ABCC12: variants seen among roughly 807,000 people sequenced by gnomAD.
The protein encoded by ABCC12 is ATP binding cassette subfamily C member 12.
Under a neutral mutation model 151.1 loss-of-function variants are expected in ABCC12, and 142 were observed. The observed-to-expected ratio is 0.94, with a 90% CI of 0.82 to 1.08. The LOEUF is 1.08. ABCC12 is among the 50% of genes least tolerant of loss of function. The pLI is 0.00. For missense variants in ABCC12, 1,638 were observed against 1,691.1 expected, an observed-to-expected ratio of 0.97 and a Z score of 0.55; for synonymous variants, 645 against 646.4, an observed-to-expected ratio of 1.00 and a Z score of 0.03.
chr16:48,131,238 C>T (rs1442619973), intron 9 of ABCC12, among the ~76,000 whole-genome samples: 1 of 152,226 alleles, frequency 6.6e-6, no homozygotes, highest in Non-Finnish European at 1.5e-5. Flanking sequence ...CTAGACTATT[C>T]ACTCGAAGCC....
chr16:48,107,384 T>C lies in ABCC12; in HGVS notation c.2413A>G (p.Met805Val). The part of the protein sequence containing the change: ...SLFTVFLFLL[M>V]IGSAAFSNWW... Reference sequence around the variant, plus strand: ...TTGCTGAAGGCAGCGCTGCCAATCATCAGGAGGAAGAGGAACACAGTGAAG... The same window carrying C: ...TTGCTGAAGGCAGCGCTGCCAATCACCAGGAGGAAGAGGAACACAGTGAAG... Residue 805 changes from methionine (M) to valine (V), a missense_variant, in exon 20 of 31, where the codon ATG becomes GTG. Transcript: ENST00000311303. 6.2e-7 allele frequency: 1 copy of C among 1,614,002 alleles called. No homozygotes were observed. The highest frequency in any genetic ancestry group is 8.5e-7 in the Non-Finnish European group (1 of 1,180,000).
In ABCC12 at chr16:48,091,105, G is replaced by A. The variant is rs1962866854; in HGVS notation, c.3285+15C>T. 1 of 1,612,604 alleles carries A rather than the reference G, an allele frequency of 6.2e-7. No homozygotes were observed. The highest frequency in any genetic ancestry group is 8.5e-7 in the Non-Finnish European group (1 of 1,178,716). The stretch of plus-strand genomic sequence containing the variant: ...AATTAACTTGTCCCTCCTCTCTGAT[G>A]CACTAATTTCTTACCGAAATGTATT... On this transcript the variant is annotated intron_variant, in intron 25 of 30. Coordinates refer to ENST00000311303, the MANE Select transcript of ABCC12 (RefSeq NM_001393797.1).
At chr16:48,140,028 CT>C (rs1046319456) in intron 6 of ABCC12, among the ~76,000 whole-genome samples, 4 of 152,082 alleles carry the variant, frequency 2.6e-5, no homozygotes, top group Non-Finnish European at 4.4e-5. Context: ...AAATTAATTA[CT>C]TTTTTTTAAT....
chr16:48,090,728 T>C (rs1307350485), intron 25 of ABCC12, among the ~76,000 whole-genome samples: 2 of 152,156 alleles, frequency 1.3e-5, no homozygotes, highest in Admixed American at 1.3e-4. Context: ...TTGTCGTTGC[T>C]ATTGTTTTTG....
rs1301697896 is a variant in ABCC12 at position 48,103,248 on chromosome 16, G to A, written c.2900+894C>T. Reference sequence around the variant, plus strand: ...TAGGAGCATAATCCTGTGCACAGGTGAAAGCAAGTTCAGGGTTTGTGGGCT... The same window carrying A: ...TAGGAGCATAATCCTGTGCACAGGTAAAAGCAAGTTCAGGGTTTGTGGGCT... On this transcript the variant is annotated intron_variant, in intron 22 of 30. Coordinates refer to ENST00000311303, the MANE Select transcript of ABCC12 (RefSeq NM_001393797.1). 3.9e-5 allele frequency among the ~76,000 whole-genome samples: 6 copies of A among 152,108 alleles called. 1 individual carries two copies. The highest frequency in any genetic ancestry group is 3.9e-4 in the Admixed American group (6 of 15,296).
rs1399447036 is a variant in ABCC12 at position 48,133,788 on chromosome 16, G to A, written c.1027C>T (p.Gln343Ter). 5 of 1,613,948 alleles carry A rather than the reference G, an allele frequency of 3.1e-6. No individual in the cohort carries two copies. The highest frequency in any genetic ancestry group is 1.3e-5 in the African/African-American group (1 of 74,884). Reference protein sequence around the residue: ...RKLLEKAGFVQSGNSALAPIV... With the variant: ...RKLLEKAGFV ...GGGGCCAGGGCAGAGTTTCCACTTT[G>A]GACAAATCCAGCTTTTTCCAGTAAT... is the stretch of plus-strand genomic sequence containing the variant. The change falls in exon 9 of 31, where the codon CAA (glutamine) becomes TAA (stop). Residue 343 changes from glutamine to a stop codon, truncating the protein, a stop_gained. Transcript: ENST00000311303. LOFTEE classifies it high-confidence loss of function.
intron 6 of ABCC12, 80 bp from the exon 7 acceptor site, chr16:48,139,416 G>A: frequency 2.1e-6 from 3 of 1,458,210 alleles, no homozygotes; most frequent in South Asian, 1.4e-5. Context: ...CAGATTGGCC[G>A]AGGGGATCTA....
intron 11 of ABCC12, among the ~76,000 whole-genome samples, chr16:48,124,664 A>G (rs1435218921): frequency 6.6e-6 from 1 of 152,210 alleles, no homozygotes; most frequent in African/African-American, 2.4e-5. Context: ...AGGCTGTACA[A>G]CCCAGGGGGA....
chr16:48,112,427 C>T (rs1433693401), intron 15 of ABCC12, among the ~76,000 whole-genome samples: 1 of 152,102 alleles, frequency 6.6e-6, no homozygotes, highest in Admixed American at 6.6e-5. Flanking sequence ...GAAACCCCAT[C>T]TCTACTAAAA....
At chr16:48,151,628 A>AT (rs761080867) in intron 2 of ABCC12, among the ~76,000 whole-genome samples, 8 of 152,046 alleles carry the variant, frequency 5.3e-5, no homozygotes, top group Admixed American at 1.3e-4. Flanking sequence ...TATCTTTGCA[A>AT]TTTTTTTTGT....
intron 9 of ABCC12, among the ~76,000 whole-genome samples, chr16:48,131,608 C>A (rs367828457): frequency 2.6e-5 from 4 of 152,196 alleles, no homozygotes; most frequent in African/African-American, 9.6e-5. Flanking sequence ...CTTCTCCCTT[C>A]GGTTGGTGCC....
At chr16:48,099,482 C>T (rs1005731550) in intron 23 of ABCC12, among the ~76,000 whole-genome samples, 13 of 152,188 alleles carry the variant, frequency 8.5e-5, no homozygotes, top group African/African-American at 3.1e-4. Context: ...GCATCTAATT[C>T]TTTCTCTCTG....
chr16:48,104,813 C>T (rs1319860571), intron 21 of ABCC12, among the ~76,000 whole-genome samples: 1 of 152,218 alleles, frequency 6.6e-6, no homozygotes, highest in East Asian at 1.9e-4. Flanking sequence ...GCAGAGGGGG[C>T]TGGAAGGATC....
intron 12 of ABCC12, among the ~76,000 whole-genome samples, chr16:48,123,770 G>T (rs1964148547): frequency 1.3e-5 from 2 of 152,242 alleles, no homozygotes; most frequent in Admixed American, 6.5e-5. Context: ...CTACCCCAAG[G>T]TTTGCAGAGA....
chr16:48,093,272 A>G (rs1195684037), intron 24 of ABCC12, among the ~76,000 whole-genome samples: 1 of 152,158 alleles, frequency 6.6e-6, no homozygotes, highest in Non-Finnish European at 1.5e-5. Flanking sequence ...ACAAAGCTCT[A>G]TGTATTCTAC....
At chr16:48,099,440 C>T (rs1963226333) in intron 23 of ABCC12, among the ~76,000 whole-genome samples, 1 of 152,152 alleles carries the variant, frequency 6.6e-6, no homozygotes, top group Admixed American at 6.6e-5. Flanking sequence ...CAATTCCAAA[C>T]TTAGAATGCA....
In ABCC12 at chr16:48,083,667, T is replaced by C. The variant is rs1962446483; in HGVS notation, c.*48A>G. Reference sequence around the variant, plus strand: ...CCCCTCCTCCTGAAGACTCCTCCTATTCATCTCACAGAGCCTCTTCCTCCT... The same window carrying C: ...CCCCTCCTCCTGAAGACTCCTCCTACTCATCTCACAGAGCCTCTTCCTCCT... On this transcript the variant is annotated 3_prime_UTR_variant, in exon 31 of 31. Coordinates refer to ENST00000311303, the MANE Select transcript of ABCC12 (RefSeq NM_001393797.1). 3.8e-6 allele frequency: 6 copies of C among 1,589,668 alleles called. No individual in the cohort carries two copies. Among genetic ancestry groups the C allele is most frequent in the South Asian group, 1.1e-5 (1 of 90,348 alleles).
intron 27 of ABCC12, 84 bp downstream of exon 27, chr16:48,087,840 CCA>C: frequency 7.0e-7 from 1 of 1,423,948 alleles, no homozygotes; most frequent in East Asian, 2.3e-5. Context: ...TCCAGGCCAG[CCA>C]TGCCCTGGGG....
Position 48,088,611 on chromosome 16 carries a change from G to C in ABCC12, c.3409C>G (p.Leu1137Val). The change falls in exon 26 of 31, where the codon CTC becomes GTC. Residue 1137 changes from leucine to valine, a missense_variant. Physicochemically the swap from Leu to Val is conservative, Grantham distance 32. Transcript: ENST00000311303. ...MRYRDNTPLV[L>V]DSLNLNIQSG... ...TGTATGTTCAAGTTCAGGCTGTCGA[G>C]AACAAGGGGGGTGTTGTCTCTGTAT... 1 of 1,614,222 alleles carries C rather than the reference G, an allele frequency of 6.2e-7. No homozygotes were observed. Among genetic ancestry groups the C allele is most frequent in the Non-Finnish European group, 8.5e-7 (1 of 1,180,034 alleles).
Sources: allele counts gnomAD v4.1 joint callset (sites outside exome capture counted in the v4.1 genomes callset), GRCh38; gene constraint gnomAD v4.1.1; transcripts MANE v1.5; gene names NCBI Gene and HGNC (gene_info 2026-07-23, HGNC 2026-07-21).